GRIA4: variants seen among roughly 807,000 people sequenced by gnomAD.
GRIA4 encodes glutamate receptor 4.
In GRIA4, 34 loss-of-function variants were observed where a neutral mutation model predicts 104.0. The observed-to-expected ratio is 0.33, with a 90% CI of 0.25 to 0.44. GRIA4 has a LOEUF of 0.44. Among genes scored for constraint, GRIA4 ranks in the 20% least tolerant of loss-of-function variants. The pLI, the probability that GRIA4 is intolerant of heterozygous loss-of-function variation, is 1.00. For missense variants in GRIA4, 750 were observed against 1,096.5 expected (o/e 0.68, Z 4.46); for synonymous variants, 386 against 381.9 (o/e 1.01, Z -0.13).
chr11:105,720,232 AG>A (rs1937699087), intron 3 of GRIA4, among the ~76,000 whole-genome samples: 2 of 151,872 alleles, frequency 1.3e-5, no homozygotes, highest in African/African-American at 4.8e-5. Flanking sequence ...AGAACATGTA[AG>A]ATGCAACTTT....
In GRIA4 at chr11:105,981,998, G is replaced by A. The variant is rs1859270099; in HGVS notation, c.*2259G>A. On this transcript the variant is annotated 3_prime_UTR_variant, in exon 17 of 17. Transcript: ENST00000282499. The stretch of plus-strand genomic sequence containing the variant: ...CTAGACTGTAAGCTCCTTGAGGGCA[G>A]GGACTGTGTCTATCTTGTTCACAGT... The A allele has an allele frequency of 6.6e-6, 1 of 152,668 alleles. No individual in the cohort carries two copies. Among genetic ancestry groups the A allele is most frequent in the African/African-American group, 2.4e-5 (1 of 41,444 alleles). 9.5% of individuals were successfully genotyped at this position (152,668 alleles called of 1,614,324 possible). A position where few individuals can be genotyped will look rare whatever the true frequency, so the allele number is the denominator to read the frequency against.
intron 10 of GRIA4, 112 bp downstream of exon 10, chr11:105,910,657 G>C (rs1947203484): frequency 6.3e-6 from 4 of 639,142 alleles, no homozygotes; most frequent in Non-Finnish European, 1.2e-5. Context: ...GGTGACATGG[G>C]TGTTCTGATC....
chr11:105,630,724 A>T (rs1045869118), intron 3 of GRIA4, among the ~76,000 whole-genome samples: 2 of 152,176 alleles, frequency 1.3e-5, no homozygotes, highest in African/African-American at 4.8e-5. Flanking sequence ...AAAAAATTTT[A>T]AAAATTAATT....
chr11:105,753,276 G>A, intron 4 of GRIA4, 56 bp downstream of exon 4: 1 of 1,540,174 alleles, frequency 6.5e-7, no homozygotes, highest in African/African-American at 1.4e-5. Context: ...ATGTGAAATG[G>A]CCTTATATGA....
At chr11:105,919,568 T>A (rs1947503465) in intron 11 of GRIA4, among the ~76,000 whole-genome samples, 1 of 152,140 alleles carries the variant, frequency 6.6e-6, no homozygotes, top group African/African-American at 2.4e-5. Context: ...TGCGCCTCCC[T>A]TGAGTGTACC....
At chr11:105,674,479 G>A (rs549113512) in intron 3 of GRIA4, among the ~76,000 whole-genome samples, 38 of 151,424 alleles carry the variant, frequency 2.5e-4, no homozygotes, top group Non-Finnish European at 5.3e-4. Context: ...TGGAGCAGAC[G>A]GCCTATGAAT....
intron 3 of GRIA4, among the ~76,000 whole-genome samples, chr11:105,675,361 G>A (rs1388248344): frequency 1.3e-5 from 2 of 151,732 alleles, no homozygotes; most frequent in African/African-American, 4.8e-5. Context: ...TTATTTACTG[G>A]AGACATCTGT....
chr11:105,912,477 C>CA (rs550991472), intron 10 of GRIA4: 79,284 of 738,264 alleles, frequency 0.11, 1,052 homozygotes, highest in African/African-American at 0.14. Context: ...AGCATGCTAT[C>CA]AAAAAAAAAA....
At chr11:105,835,583 C>A (rs547288303) in intron 4 of GRIA4, among the ~76,000 whole-genome samples, 2 of 152,084 alleles carry the variant, frequency 1.3e-5, no homozygotes, top group South Asian at 4.1e-4. Flanking sequence ...TTCTTTTTAT[C>A]ATTTAAAGCC....
intron 3 of GRIA4, among the ~76,000 whole-genome samples, chr11:105,726,418 T>C (rs1938210751): frequency 6.6e-6 from 1 of 152,080 alleles, no homozygotes; most frequent in Non-Finnish European, 1.5e-5. Flanking sequence ...AAAACTCTCA[T>C]CTCCTTCGCA....
intron 3 of GRIA4, among the ~76,000 whole-genome samples, chr11:105,681,448 A>G (rs1952707911): frequency 6.6e-6 from 1 of 152,238 alleles, no homozygotes; most frequent in South Asian, 2.1e-4. Context: ...GAAAACATGA[A>G]TGCTTATGTC....
At chr11:105,807,208 A>C (rs1565251543) in intron 4 of GRIA4, among the ~76,000 whole-genome samples, 1 of 151,886 alleles carries the variant, frequency 6.6e-6, no homozygotes, top group Non-Finnish European at 1.5e-5. Context: ...GAGGGTAGTA[A>C]AATGATCTAA....
At chr11:105,848,104 C>A (rs575581296) in intron 4 of GRIA4, among the ~76,000 whole-genome samples, 104 of 152,116 alleles carry the variant, frequency 6.8e-4, no homozygotes, top group Non-Finnish European at 1.2e-3. Context: ...GCTTTTCAGG[C>A]CACGTCTAGT....
intron 3 of GRIA4, among the ~76,000 whole-genome samples, chr11:105,616,941 C>G (rs1950616224): frequency 1.3e-5 from 2 of 151,298 alleles, no homozygotes; most frequent in African/African-American, 2.4e-5. Context: ...TATAGTTTTT[C>G]TCTTTCTTAA....
intron 14 of GRIA4, among the ~76,000 whole-genome samples, chr11:105,934,572 A>C (rs1380532750): frequency 2.0e-5 from 3 of 152,200 alleles, no homozygotes; most frequent in African/African-American, 7.2e-5. Flanking sequence ...CCTATTTTAA[A>C]GGGAGTGTGG....
At chr11:105,696,459 T>G (rs1953280745) in intron 3 of GRIA4, among the ~76,000 whole-genome samples, 1 of 152,218 alleles carries the variant, frequency 6.6e-6, no homozygotes, top group Non-Finnish European at 1.5e-5. Flanking sequence ...AAAATAAAAT[T>G]AAGTTGTTAT....
intron 14 of GRIA4, among the ~76,000 whole-genome samples, chr11:105,943,106 T>A (rs1347414937): frequency 6.6e-6 from 1 of 152,140 alleles, no homozygotes; most frequent in African/African-American, 2.4e-5. Context: ...GAGAAAAAAT[T>A]CACCCTCAGA....
At chr11:105,634,520 G>GA (rs745473460) in intron 3 of GRIA4, among the ~76,000 whole-genome samples, 59 of 89,122 alleles carry the variant, frequency 6.6e-4, no homozygotes, top group African/African-American at 1.9e-3. Context: ...AAAGAAGAAA[G>GA]AAAGAAAGAA....
At chr11:105,619,696 T>C (rs1950693326) in intron 3 of GRIA4, among the ~76,000 whole-genome samples, 3 of 151,990 alleles carry the variant, frequency 2.0e-5, no homozygotes, top group Admixed American at 1.3e-4. Context: ...TGTGTACTTG[T>C]GCACAGTGTG....
Sources: gnomAD v4.1 joint callset for allele counts (sites outside exome capture counted in the v4.1 genomes callset) on GRCh38, gnomAD v4.1.1 for gene constraint, MANE v1.5 for transcripts, NCBI Gene and HGNC (gene_info 2026-07-23, HGNC 2026-07-21) for gene names.